Variants in PTCHD4 observed in about 807,000 individuals in gnomAD.
PTCHD4 encodes the protein patched domain containing 4.
A neutral mutation model predicts 58.1 loss-of-function variants in PTCHD4; 33 were observed. That is an observed-to-expected ratio of 0.57 (90% CI 0.43 to 0.76). The LOEUF (loss-of-function observed/expected upper bound fraction) is 0.76. PTCHD4 is among the 30% of genes least tolerant of loss of function. The pLI is 0.00. For missense variants in PTCHD4, 1,058 were observed against 1,027.1 expected, an observed-to-expected ratio of 1.03 and a Z score of -0.41; for synonymous variants, 478 against 409.6, an observed-to-expected ratio of 1.17 and a Z score of -2.02.
intron 3 of PTCHD4, among the ~76,000 whole-genome samples, chr6:48,057,899 T>C (rs1764469818): frequency 6.6e-6 from 1 of 152,230 alleles, no homozygotes; most frequent in Admixed American, 6.5e-5. Flanking sequence ...TCTTGTAATG[T>C]AGACTAGGTT....
At chr6:47,939,636 G>A (rs1766134847) in intron 4 of PTCHD4, among the ~76,000 whole-genome samples, 2 of 152,070 alleles carry the variant, frequency 1.3e-5, no homozygotes, top group African/African-American at 2.4e-5. Flanking sequence ...ACGTGACCTT[G>A]CACCAGTTGG....
At chr6:47,886,169 C>A (rs10948389) in intron 4 of PTCHD4, among the ~76,000 whole-genome samples, 100,637 of 149,756 alleles carry the variant, frequency 0.67, 34,150 homozygotes, top group East Asian at 0.78. Context: ...AATCCAATAT[C>A]ATTTTTACAG....
intron 4 of PTCHD4, among the ~76,000 whole-genome samples, chr6:47,937,350 G>C (rs1055487067): frequency 2.2e-4 from 33 of 152,254 alleles, no homozygotes; most frequent in African/African-American, 7.9e-4. Flanking sequence ...GGTAAGAAGG[G>C]GTGAGGGTGT....
At position 48,068,085 on chromosome 6, in the gene PTCHD4, G is replaced by T; in HGVS notation, c.417+145C>A. 4.9e-6 allele frequency: 4 copies of T among 814,938 alleles called. No homozygotes were observed. Among genetic ancestry groups the T allele is most frequent in the Non-Finnish European group, 7.8e-6 (4 of 514,028 alleles). 50.5% of individuals were successfully genotyped at this position (814,938 alleles called of 1,614,324 possible). A position where few individuals can be genotyped will look rare whatever the true frequency, so the allele number is the denominator to read the frequency against. ...AATTTAGTGTTGGGATACCTCACTTGCACCCTGGCTGTTGTCTTATTGGAG... is the reference window on the plus strand; with the variant it reads ...AATTTAGTGTTGGGATACCTCACTTTCACCCTGGCTGTTGTCTTATTGGAG... On this transcript the variant is annotated intron_variant, in intron 3 of 4. Coordinates refer to ENST00000339488, the MANE Select transcript of PTCHD4 (RefSeq NM_001384253.1). The surrounding 1 kb of genome is among the most constrained non-coding windows in gnomAD (Gnocchi z 4.2).
intron 4 of PTCHD4, among the ~76,000 whole-genome samples, chr6:47,939,092 T>G (rs1048144180): frequency 6.6e-6 from 1 of 151,836 alleles, no homozygotes; most frequent in Non-Finnish European, 1.5e-5. Context: ...TGAGCCTGAG[T>G]TGAGGACAAG....
At chr6:48,014,615 A>G (rs1006478964) in intron 3 of PTCHD4, among the ~76,000 whole-genome samples, 1 of 152,184 alleles carries the variant, frequency 6.6e-6, no homozygotes, top group Admixed American at 6.5e-5. Context: ...TTACATAATA[A>G]TTAAGTAATT....
intron 4 of PTCHD4, among the ~76,000 whole-genome samples, chr6:47,937,123 GCTTTGGTC>G: frequency 6.6e-6 from 1 of 152,316 alleles, no homozygotes. Context: ...CACTGTGAGG[GCTTTGGTC>G]TTCCATCTGG....
intron 1 of PTCHD4, among the ~76,000 whole-genome samples, chr6:48,082,762 A>G (rs1765190300): frequency 6.6e-6 from 1 of 152,170 alleles, no homozygotes; most frequent in African/African-American, 2.4e-5. Flanking sequence ...GATTTATAAA[A>G]ATAACTAGAG....
chr6:47,944,900 A>G (rs1397802556), intron 4 of PTCHD4, among the ~76,000 whole-genome samples: 1 of 152,138 alleles, frequency 6.6e-6, no homozygotes, highest in South Asian at 2.1e-4. Flanking sequence ...ATAAAGTATG[A>G]TATGCTAATG....
chr6:48,060,185 C>G (rs980645389), intron 3 of PTCHD4, among the ~76,000 whole-genome samples: 5 of 152,180 alleles, frequency 3.3e-5, no homozygotes, highest in Admixed American at 1.3e-4. Flanking sequence ...ATGTGAATGG[C>G]TTTTGAATCT....
intron 3 of PTCHD4, among the ~76,000 whole-genome samples, chr6:48,038,206 CCG>C (rs1416179878): frequency 6.7e-5 from 10 of 149,864 alleles, no homozygotes; most frequent in Non-Finnish European, 1.2e-4. Flanking sequence ...TGTCTCCTGA[CCG>C]GGGTTAATTA....
rs1224000473 is a variant in PTCHD4, at chr6:47,861,126, C to T, written c.*17177G>A. Among the ~76,000 whole-genome samples, 2 of 151,854 alleles carry T rather than the reference C, an allele frequency of 1.3e-5. No homozygotes were observed. Among genetic ancestry groups the T allele is most frequent in the Admixed American group, 6.6e-5 (1 of 15,214 alleles). On this transcript the variant is annotated 3_prime_UTR_variant, in exon 5 of 5. Coordinates refer to ENST00000339488, the MANE Select transcript of PTCHD4 (RefSeq NM_001384253.1). ...TGTTGGAACTTGGCGTGAAGAAGGG[C>T]AAGATTGTTTTTCTCCATCTGTAGA...
intron 1 of PTCHD4, among the ~76,000 whole-genome samples, chr6:48,101,218 A>G (rs1020978206): frequency 2.0e-5 from 3 of 152,198 alleles, no homozygotes; most frequent in Admixed American, 2.0e-4. Flanking sequence ...ATTTATTTTA[A>G]AAATGGCTGT....
intron 4 of PTCHD4, among the ~76,000 whole-genome samples, chr6:47,888,631 TTTTGTTTG>T (rs200474112): frequency 6.6e-6 from 1 of 152,132 alleles, no homozygotes; most frequent in East Asian, 1.9e-4. Flanking sequence ...TTTTGTAGTT[TTTTGTTTG>T]TTTGTTTGTT....
At chr6:47,967,584 T>C (rs1208647693) in intron 4 of PTCHD4, among the ~76,000 whole-genome samples, 1 of 152,200 alleles carries the variant, frequency 6.6e-6, no homozygotes, top group Non-Finnish European at 1.5e-5. Context: ...TATAAGGGTG[T>C]TTCATCTGCA....
At chr6:48,034,897 G>A (rs565465919) in intron 3 of PTCHD4, among the ~76,000 whole-genome samples, 3 of 152,162 alleles carry the variant, frequency 2.0e-5, no homozygotes, top group Non-Finnish European at 4.4e-5. Flanking sequence ...AAGCTACCTC[G>A]TCAGGGACAG....
chr6:47,940,378 T>C (rs1050325402), intron 4 of PTCHD4, among the ~76,000 whole-genome samples: 1 of 152,166 alleles, frequency 6.6e-6, no homozygotes, highest in African/African-American at 2.4e-5. Context: ...GTCACCCATA[T>C]ATTTCACCTC....
At position 47,978,116 on chromosome 6, in the gene PTCHD4, C is replaced by T. The variant is rs1581964019; in HGVS notation, c.898+30518G>A. ...TCTCCCTCATCCTTTCCCCCCTTCT[C>T]ATTATTTTTCTTCTCCTCCTTTACT... On this transcript the variant is annotated intron_variant, in intron 4 of 4. Transcript: ENST00000339488. Among the ~76,000 whole-genome samples, 3 of 152,232 alleles carry T rather than the reference C, an allele frequency of 2.0e-5. No individual in the cohort carries two copies. In the South Asian group the frequency reaches 6.2e-4, roughly 32 times the overall value.
At chr6:48,044,029 ATCC>A (rs1430465913) in intron 3 of PTCHD4, among the ~76,000 whole-genome samples, 2 of 151,862 alleles carry the variant, frequency 1.3e-5, no homozygotes, top group African/African-American at 2.4e-5. Context: ...TTCCCAATTG[ATCC>A]TCATTACAGG....
Sources: gnomAD v4.1 joint callset for allele counts (sites outside exome capture counted in the v4.1 genomes callset) on GRCh38, gnomAD v4.1.1 for gene constraint, Gnocchi (gnomAD v3.1) non-coding constraint, MANE v1.5 for transcripts, NCBI Gene and HGNC (gene_info 2026-07-23, HGNC 2026-07-21) for gene names.